The following HTR4 variants were observed in gnomAD, a reference collection of about 807,000 sequenced individuals.
The protein encoded by HTR4 is 5-hydroxytryptamine (serotonin) receptor 4, G protein-coupled.
In HTR4, 16 loss-of-function variants were observed where a neutral mutation model predicts 36.8. The observed-to-expected ratio is 0.43, with a 90% CI of 0.29 to 0.66. The LOEUF is 0.66. Among genes scored for constraint, HTR4 ranks in the 30% least tolerant of loss-of-function variants. The pLI, the probability that HTR4 is intolerant of heterozygous loss-of-function variation, is 0.13. For synonymous variants in HTR4, 189 were observed against 185.1 expected, an observed-to-expected ratio of 1.02 and a Z score of -0.17; for missense variants, 438 against 490.9, an observed-to-expected ratio of 0.89 and a Z score of 1.02.
chr5:148,481,331 A>G, downstream of HTR4: 1 of 545,516 alleles, frequency 1.8e-6, no homozygotes, highest in Non-Finnish European at 3.2e-6. Flanking sequence ...ATTTAAATAA[A>G]CTTTCTTCAT....
intron 2 of HTR4, chr5:148,628,385 G>A (rs571983615): frequency 1.3e-5 from 2 of 152,324 alleles, no homozygotes; most frequent in Admixed American, 6.5e-5. Context: ...TAGGTCACAT[G>A]TTTGGAGAAA....
chr5:148,455,799 G>A (rs1755088362), intron 5 of HTR4, among the ~76,000 whole-genome samples: 1 of 152,106 alleles, frequency 6.6e-6, no homozygotes, highest in Non-Finnish European at 1.5e-5. Flanking sequence ...TTATAATAAA[G>A]TAAGCTACAG....
intron 5 of HTR4, among the ~76,000 whole-genome samples, chr5:148,452,159 A>G (rs1472758466): frequency 6.6e-6 from 1 of 152,224 alleles, no homozygotes; most frequent in African/African-American, 2.4e-5. Context: ...TTGTATTGAC[A>G]AATTGGTTTG....
chr5:148,483,565 T>C (rs984629446), intron 6 of HTR4, among the ~76,000 whole-genome samples: 2 of 152,216 alleles, frequency 1.3e-5, no homozygotes, highest in Non-Finnish European at 2.9e-5. Flanking sequence ...CCCCTCAACA[T>C]TGTGCCCTCT....
intron 2 of HTR4, among the ~76,000 whole-genome samples, chr5:148,576,445 T>G (rs1432390704): frequency 2.0e-5 from 3 of 151,996 alleles, no homozygotes; most frequent in African/African-American, 7.2e-5. Flanking sequence ...AATGATATTC[T>G]TCACAGAACT....
intron 6 of HTR4, among the ~76,000 whole-genome samples, chr5:148,491,022 A>G (rs911732599): frequency 1.3e-5 from 2 of 152,180 alleles, no homozygotes; most frequent in African/African-American, 4.8e-5. Flanking sequence ...TGAAGCTTTT[A>G]TCATTTCCAT....
intron 5 of HTR4, among the ~76,000 whole-genome samples, chr5:148,518,721 C>A (rs578196608): frequency 6.6e-6 from 1 of 152,298 alleles, no homozygotes; most frequent in East Asian, 1.9e-4. Context: ...TCACTGCTGT[C>A]TGTAATCTTC....
intron 5 of HTR4, among the ~76,000 whole-genome samples, chr5:148,511,273 A>G (rs1757485586): frequency 6.6e-6 from 1 of 152,216 alleles, no homozygotes; most frequent in Non-Finnish European, 1.5e-5. Flanking sequence ...TTATTATTCA[A>G]ATCAAACTAT....
At chr5:148,534,913 C>CT (rs1157521722) in intron 4 of HTR4, among the ~76,000 whole-genome samples, 2 of 152,104 alleles carry the variant, frequency 1.3e-5, no homozygotes, top group Non-Finnish European at 2.9e-5. Context: ...TGCCCCAGAG[C>CT]TACAGTCAGC....
chr5:148,641,963 C>A (rs1450719774), intron 1 of HTR4, among the ~76,000 whole-genome samples: 1 of 152,154 alleles, frequency 6.6e-6, no homozygotes, highest in African/African-American at 2.4e-5. Context: ...TAGTCTGGTA[C>A]AGTGCCAACA....
intron 5 of HTR4, among the ~76,000 whole-genome samples, chr5:148,464,065 A>G (rs1755360762): frequency 6.6e-6 from 1 of 151,200 alleles, no homozygotes; most frequent in Admixed American, 6.6e-5. Context: ...ATCTAGACAC[A>G]GACCTTATAT....
At chr5:148,509,364 G>C in intron 6 of HTR4, 92 bp downstream of exon 6, 1 of 935,370 alleles carries the variant, frequency 1.1e-6, no homozygotes, top group Admixed American at 2.8e-5. Context: ...GCAGGTTTCA[G>C]GGATAACCCC....
chr5:148,617,772 T>G (rs1174720397), intron 2 of HTR4, among the ~76,000 whole-genome samples: 1 of 152,148 alleles, frequency 6.6e-6, no homozygotes, highest in Non-Finnish European at 1.5e-5. Flanking sequence ...CAGCCTAACC[T>G]AGTCAAGTCT....
chr5:148,480,086 T>G (rs1318723755), downstream of HTR4, among the ~76,000 whole-genome samples: 19 of 152,212 alleles, frequency 1.2e-4, no homozygotes, highest in Admixed American at 1.2e-3. Flanking sequence ...ATATAATTTA[T>G]AGCATGGGGA....
intron 5 of HTR4, among the ~76,000 whole-genome samples, chr5:148,514,153 G>A (rs1035684965): frequency 6.6e-6 from 1 of 152,072 alleles, no homozygotes; most frequent in Non-Finnish European, 1.5e-5. Context: ...GAATAAAAAT[G>A]AGAGTAGTTG....
chr5:148,636,522 C>G (rs556145476), intron 2 of HTR4, among the ~76,000 whole-genome samples: 52 of 152,208 alleles, frequency 3.4e-4, no homozygotes, highest in African/African-American at 1.2e-3. Context: ...CAAAACGAAA[C>G]AAAAACCATT....
chr5:148,484,302 G>T (rs1296930254), intron 6 of HTR4: 1 of 1,613,454 alleles, frequency 6.2e-7, no homozygotes, highest in East Asian at 2.2e-5. Context: ...AATGCTCAAT[G>T]TGCCTGAGAA....
chr5:148,554,069 G>C (rs1022707276), intron 2 of HTR4, among the ~76,000 whole-genome samples: 2 of 145,088 alleles, frequency 1.4e-5, no homozygotes, highest in Non-Finnish European at 3.1e-5. Flanking sequence ...AAAGTTTGTT[G>C]TTGTTGTTGT....
chr5:148,457,959 A>C (rs866861934), intron 5 of HTR4, among the ~76,000 whole-genome samples: 33 of 44,248 alleles, frequency 7.5e-4, no homozygotes, highest in Admixed American at 3.1e-3. Flanking sequence ...TTAAATATAT[A>C]TTAAAATATA....
Sources: allele counts gnomAD v4.1 joint callset (sites outside exome capture counted in the v4.1 genomes callset), GRCh38; gene constraint gnomAD v4.1.1; transcripts MANE v1.5; gene names NCBI Gene and HGNC (gene_info 2026-07-23, HGNC 2026-07-21).